The following GALNTL6 variants were observed in gnomAD, a reference collection of about 807,000 sequenced individuals.
The protein encoded by GALNTL6 is polypeptide N-acetylgalactosaminyltransferase-like 6.
GALNTL6 carries 46 observed loss-of-function variants against 73.7 expected under a neutral mutation model. The observed-to-expected ratio is 0.62, with a 90% confidence interval of 0.49 to 0.80. The LOEUF is 0.80. GALNTL6 is among the 30% of genes least tolerant of loss of function. The pLI, the probability that GALNTL6 is intolerant of heterozygous loss-of-function variation, is 0.00. For synonymous variants in GALNTL6, 259 were observed against 263.7 expected, an observed-to-expected ratio of 0.98 and a Z score of 0.17; for missense variants, 604 against 755.0, an observed-to-expected ratio of 0.80 and a Z score of 2.34.
Position 172,835,703 on chromosome 4 carries a change from A to G in GALNTL6, c.923+21980A>G, listed in dbSNP as rs553246145. 4.6e-5 allele frequency among the ~76,000 whole-genome samples: 7 copies of G among 152,304 alleles called. No homozygotes were observed. The East Asian group carries it at 1.4e-3, about 29-fold the overall frequency. On this transcript the variant is annotated intron_variant, in intron 7 of 12. Transcript: ENST00000506823. ...GCCGAATGCACTCCGATTGGTCAGG[A>G]AGTGAATACCATGTGGATACCAAGA...
intron 2 of GALNTL6, among the ~76,000 whole-genome samples, chr4:172,064,007 T>G (rs1162889247): frequency 1.3e-5 from 2 of 152,220 alleles, no homozygotes; most frequent in African/African-American, 4.8e-5. Flanking sequence ...CAGGATTATT[T>G]CATTTTCTTC....
At chr4:172,666,420 G>A (rs1731669835) in intron 5 of GALNTL6, among the ~76,000 whole-genome samples, 1 of 152,072 alleles carries the variant, frequency 6.6e-6, no homozygotes, top group Non-Finnish European at 1.5e-5. Context: ...ATGAAGGGAA[G>A]CTTCTCATGC....
At chr4:172,575,992 T>G (rs1736942973) in intron 5 of GALNTL6, among the ~76,000 whole-genome samples, 1 of 152,230 alleles carries the variant, frequency 6.6e-6, no homozygotes, top group Non-Finnish European at 1.5e-5. Flanking sequence ...GCATTTGTGG[T>G]CTGTACTTTC....
At chr4:171,875,351 T>C (rs1318453871) in intron 2 of GALNTL6, among the ~76,000 whole-genome samples, 1 of 152,174 alleles carries the variant, frequency 6.6e-6, no homozygotes, top group Non-Finnish European at 1.5e-5. Context: ...TCTGCTGGAC[T>C]ATTTCTTTAA....
At chr4:171,923,949 T>C (rs1272856944) in intron 2 of GALNTL6, among the ~76,000 whole-genome samples, 1 of 152,084 alleles carries the variant, frequency 6.6e-6, no homozygotes, top group Non-Finnish European at 1.5e-5. Flanking sequence ...AGAAACAGGA[T>C]ATTACTATAA....
At chr4:171,967,647 G>A (rs1179601764) in intron 2 of GALNTL6, among the ~76,000 whole-genome samples, 1 of 151,746 alleles carries the variant, frequency 6.6e-6, no homozygotes, top group Non-Finnish European at 1.5e-5. Context: ...CATTTTCATT[G>A]CACTTATTTT....
At chr4:171,885,950 C>A (rs1736596478) in intron 2 of GALNTL6, among the ~76,000 whole-genome samples, 1 of 152,086 alleles carries the variant, frequency 6.6e-6, no homozygotes, top group Non-Finnish European at 1.5e-5. Context: ...AAATTCACTT[C>A]TGTGGAAATT....
rs554856274 is a variant in GALNTL6, at chr4:172,013,127, A to G, written c.138+198409A>G. Among the ~76,000 whole-genome samples, 9 of 152,278 alleles carry G rather than the reference A, an allele frequency of 5.9e-5. No homozygotes were observed. The South Asian group carries it at 1.2e-3, about 21-fold the overall frequency. On this transcript the variant is annotated intron_variant, in intron 2 of 12. Transcript: ENST00000506823. ...ATGTACAATGTTTAATGATTACATC[A>G]GGGTAATTAGCAAACCCATCACCTC...
chr4:172,543,681 C>T (rs1735654949), intron 5 of GALNTL6, among the ~76,000 whole-genome samples: 1 of 152,204 alleles, frequency 6.6e-6, no homozygotes, highest in African/African-American at 2.4e-5. Flanking sequence ...AAGGGAGTCT[C>T]TTTTCTTCAA....
chr4:172,172,311 C>A (rs1734855966), intron 2 of GALNTL6, among the ~76,000 whole-genome samples: 2 of 152,078 alleles, frequency 1.3e-5, no homozygotes, highest in South Asian at 4.1e-4. Context: ...GATTCTCCTG[C>A]CTCAGCCTCT....
At chr4:171,902,672 A>T (rs1415302352) in intron 2 of GALNTL6, among the ~76,000 whole-genome samples, 1 of 152,206 alleles carries the variant, frequency 6.6e-6, no homozygotes. Flanking sequence ...TGAATATGAT[A>T]TGAAAAATTC....
rs543916783 is a variant in GALNTL6, at chr4:172,893,990, C to T, written c.1041+11083C>T. On this transcript the variant is annotated intron_variant, in intron 8 of 12. Coordinates refer to ENST00000506823, the MANE Select transcript of GALNTL6 (RefSeq NM_001034845.3). ...TTGGGAGCTGGTCCTCAGCATTCAC[C>T]AACTCCAGGCAAGCTTCCCAGCTTC... Among the ~76,000 whole-genome samples, 25 of 152,294 alleles carry T rather than the reference C, an allele frequency of 1.6e-4. 1 individual carries two copies. The South Asian group carries it at 5.2e-3, about 32-fold the overall frequency.
rs114064713 is a variant in GALNTL6, at chr4:172,857,822, A to G, written c.924-24968A>G. 5.1e-3 allele frequency among the ~76,000 whole-genome samples: 779 copies of G among 152,302 alleles called. 9 individuals are homozygous for G. Among genetic ancestry groups the G allele is most frequent in the African/African-American group, 0.017 (726 of 41,566 alleles). On this transcript the variant is annotated intron_variant, in intron 7 of 12. Transcript: ENST00000506823. ...GTAAAAATAATCCTCAATAAAGCAAATCTTGACTTTGAGGAAGGAAATGGC... is the reference window on the plus strand; with the variant it reads ...GTAAAAATAATCCTCAATAAAGCAAGTCTTGACTTTGAGGAAGGAAATGGC...
chr4:172,841,034 C>T (rs987250595), intron 7 of GALNTL6, among the ~76,000 whole-genome samples: 2 of 152,226 alleles, frequency 1.3e-5, no homozygotes, highest in African/African-American at 4.8e-5. Context: ...CTCCACCATT[C>T]TCCTTCCATA....
At chr4:172,652,952 G>T (rs1478288024) in intron 5 of GALNTL6, among the ~76,000 whole-genome samples, 2 of 151,820 alleles carry the variant, frequency 1.3e-5, no homozygotes, top group Non-Finnish European at 2.9e-5. Flanking sequence ...TCAAATATTT[G>T]GTGTGTACTT....
chr4:172,369,650 C>T (rs916187988), intron 5 of GALNTL6, among the ~76,000 whole-genome samples: 37 of 152,306 alleles, frequency 2.4e-4, no homozygotes, highest in African/African-American at 7.7e-4. Flanking sequence ...AGAATTTGAG[C>T]GTGGCATGGG....
intron 2 of GALNTL6, among the ~76,000 whole-genome samples, chr4:171,903,861 C>G (rs1291850316): frequency 1.8e-4 from 27 of 151,162 alleles, no homozygotes; most frequent in South Asian, 1.5e-3. Context: ...GCCTAACTGG[C>G]AGGCACCCCC....
chr4:171,860,721 G>A (rs569252359), intron 2 of GALNTL6, among the ~76,000 whole-genome samples: 44 of 152,244 alleles, frequency 2.9e-4, no homozygotes, highest in Middle Eastern at 6.8e-3. Flanking sequence ...GGTAGATACT[G>A]TTCTTCCTCT....
At chr4:171,957,632 A>G (rs1469471297) in intron 2 of GALNTL6, among the ~76,000 whole-genome samples, 3 of 152,220 alleles carry the variant, frequency 2.0e-5, no homozygotes, top group Admixed American at 6.5e-5. Context: ...TTTTAAGAAT[A>G]TATTAATTAG....
Sources: allele counts gnomAD v4.1 joint callset (sites outside exome capture counted in the v4.1 genomes callset), GRCh38; gene constraint gnomAD v4.1.1; transcripts MANE v1.5; gene names NCBI Gene and HGNC (gene_info 2026-07-23, HGNC 2026-07-21).